TMC2: variants seen among roughly 807,000 people sequenced by gnomAD.
The protein encoded by TMC2 is transmembrane channel like 2.
Under a neutral mutation model 105.9 loss-of-function variants are expected in TMC2, and 102 were observed. The ratio of observed to expected loss-of-function variants is 0.96; its 90% CI spans 0.82 to 1.14. The LOEUF is 1.14. Among genes scored for constraint, TMC2 ranks in the 50% most tolerant of loss-of-function variants. The pLI is 0.00. For missense variants in TMC2, 1,093 were observed against 1,134.3 expected (o/e 0.96, Z 0.52); for synonymous variants, 402 against 422.8 (o/e 0.95, Z 0.60).
At chr20:2,543,159 C>T (rs2085902582) in intron 2 of TMC2, among the ~76,000 whole-genome samples, 1 of 151,962 alleles carries the variant, frequency 6.6e-6, no homozygotes, top group African/African-American at 2.4e-5. Flanking sequence ...ACTGCTTGAA[C>T]CTGGGAGGTA....
Position 2,558,217 on chromosome 20 carries a change from G to A in TMC2, c.83-239G>A. On this transcript the variant is annotated intron_variant, in intron 2 of 19. Coordinates refer to ENST00000358864, the MANE Select transcript of TMC2 (RefSeq NM_080751.3). This position sits in a 1 kb window ranked among gnomAD's most constrained non-coding sequence, Gnocchi z 4.6. ...GACACCTGTCACAGGAGGTCTTCAA[G>A]GGAGACGGGAGGGAGAAGGCCAGAG... The A allele has an allele frequency of 1.0e-6, 1 of 953,570 alleles. No homozygotes were observed. The highest frequency in any genetic ancestry group is 1.5e-6 in the Non-Finnish European group (1 of 671,852). 59.1% of individuals were successfully genotyped at this position (953,570 alleles called of 1,614,324 possible). A position where few individuals can be genotyped will look rare whatever the true frequency, so the allele number is the denominator to read the frequency against.
chr20:2,561,715 G>A (rs544648904), intron 3 of TMC2, 143 bp from the exon 4 acceptor site: 48 of 1,070,596 alleles, frequency 4.5e-5, no homozygotes, highest in East Asian at 1.2e-4. Flanking sequence ...TTTGGCCTCC[G>A]CTGCCAGGCA....
chr20:2,573,311 G>C (rs574301886), intron 5 of TMC2, among the ~76,000 whole-genome samples: 25 of 151,812 alleles, frequency 1.6e-4, no homozygotes, highest in African/African-American at 5.8e-4. Context: ...TCACATCTAG[G>C]ATACCATACA....
At chr20:2,595,218 C>A (rs1436330185) in intron 9 of TMC2, among the ~76,000 whole-genome samples, 1 of 152,184 alleles carries the variant, frequency 6.6e-6, no homozygotes. Context: ...TTCTGGGGAG[C>A]AGCATTTTAG....
chr20:2,624,474 C>T, intron 17 of TMC2, 78 bp downstream of exon 17: 2 of 1,517,230 alleles, frequency 1.3e-6, no homozygotes, highest in South Asian at 1.3e-5. Flanking sequence ...AGGTCCTTTT[C>T]ATCTTGCCTT....
chr20:2,549,559 A>G (rs748931220), intron 2 of TMC2, among the ~76,000 whole-genome samples: 50 of 152,248 alleles, frequency 3.3e-4, no homozygotes, highest in Middle Eastern at 6.8e-3. Context: ...CCTGGCCAAC[A>G]CGGTGAAACC....
chr20:2,573,432 G>A (rs556301397), intron 5 of TMC2, among the ~76,000 whole-genome samples: 4 of 151,742 alleles, frequency 2.6e-5, no homozygotes, highest in South Asian at 4.1e-4. Context: ...TTGCAAATGC[G>A]ATCATTTTTC....
At position 2,543,904 on chromosome 20, in the gene TMC2, T is replaced by A. The variant is rs59918854; in HGVS notation, c.82+6588T>A. 4.1e-3 allele frequency among the ~76,000 whole-genome samples: 111 copies of A among 27,192 alleles called. 3 individuals are homozygous for A. The highest frequency in any genetic ancestry group is 7.1e-3 in the African/African-American group (47 of 6,626). The allele number at this position is 27,192 out of a possible 152,430, so 17.8% of individuals were successfully genotyped here. A position where few individuals can be genotyped will look rare whatever the true frequency, so the allele number is the denominator to read the frequency against. On this transcript the variant is annotated intron_variant, in intron 2 of 19. Coordinates refer to ENST00000358864, the MANE Select transcript of TMC2 (RefSeq NM_080751.3). ...GCAGCTGTTTCAACCTGCATGTCAGTTTTTTTTTTTTTTTTTGAGACAGAG... is the reference window on the plus strand; with the variant it reads ...GCAGCTGTTTCAACCTGCATGTCAGATTTTTTTTTTTTTTTTGAGACAGAG...
rs371635125 is a variant in TMC2, at chr20:2,570,747, CTA to C, written c.555-1429_555-1428del. The stretch of plus-strand genomic sequence containing the variant: ...AGGCATCACATTACTCAACTTCAAA[CTA>C]TACTATGAGGCTACAGTAACGAAAA... On this transcript the variant is annotated intron_variant, in intron 4 of 19. Transcript: ENST00000358864. Among the ~76,000 whole-genome samples, 834 of 152,280 alleles carry C rather than the reference CTA, an allele frequency of 5.5e-3. 10 individuals carry two copies. The highest frequency in any genetic ancestry group is 0.019 in the African/African-American group (787 of 41,562).
chr20:2,568,274 T>C (rs1600104692), intron 4 of TMC2, among the ~76,000 whole-genome samples: 1 of 152,186 alleles, frequency 6.6e-6, no homozygotes, highest in Non-Finnish European at 1.5e-5. Flanking sequence ...ACAATTATAA[T>C]GACAAGAAAC....
At chr20:2,604,736 T>C (rs977593371) in intron 11 of TMC2, among the ~76,000 whole-genome samples, 2 of 152,114 alleles carry the variant, frequency 1.3e-5, no homozygotes, top group African/African-American at 2.4e-5. Context: ...TGAGGTTGAG[T>C]TGATCACTAA....
At chr20:2,619,070 G>A (rs2086505845) in intron 16 of TMC2, among the ~76,000 whole-genome samples, 2 of 152,188 alleles carry the variant, frequency 1.3e-5, no homozygotes, top group African/African-American at 4.8e-5. Flanking sequence ...CTGCCAATGA[G>A]GAGAAACCCT....
Position 2,597,218 on chromosome 20 carries a change from A to C in TMC2, c.1144A>C (p.Met382Leu). 1 of 1,614,118 alleles carries C rather than the reference A, an allele frequency of 6.2e-7. No individual in the cohort carries two copies. The highest frequency in any genetic ancestry group is 2.2e-5 in the East Asian group (1 of 44,874). The change falls in exon 10 of 20, where the codon ATG (methionine) becomes CTG (leucine). Residue 382 changes from methionine to leucine, a missense_variant. By Grantham distance (15) the Met-to-Leu change is conservative. Transcript: ENST00000358864. ...ESDNFTFSFKMFTSWDYLIGN... is the reference protein window; with the variant it reads ...ESDNFTFSFKLFTSWDYLIGN... Reference sequence around the variant, plus strand: ...TGACAACTTCACATTCAGCTTCAAGATGTTCACCAGCTGGGACTACCTGAT... The same window carrying C: ...TGACAACTTCACATTCAGCTTCAAGCTGTTCACCAGCTGGGACTACCTGAT...
rs919366145 is a variant in TMC2, at chr20:2,594,045, C to T, written c.934-780C>T. The stretch of plus-strand genomic sequence containing the variant: ...TCCCTCCTTTGTGAGCTTCATACTC[C>T]CATGCCTCTGGAGGCTTACTCTGCA... On this transcript the variant is annotated intron_variant, in intron 8 of 19. Transcript: ENST00000358864. Among the ~76,000 whole-genome samples, 3 of 152,174 alleles carry T rather than the reference C, an allele frequency of 2.0e-5. No individual in the cohort carries two copies. The South Asian group carries it at 6.2e-4, about 32-fold the overall frequency.
chr20:2,567,420 A>C (rs1049916000), intron 4 of TMC2, among the ~76,000 whole-genome samples: 7 of 152,230 alleles, frequency 4.6e-5, no homozygotes, highest in Non-Finnish European at 8.8e-5. Context: ...AATATCCAAA[A>C]GTCCAGGTTT....
intron 17 of TMC2, 144 bp downstream of exon 17, chr20:2,624,540 T>C: frequency 9.8e-7 from 1 of 1,018,736 alleles, no homozygotes; most frequent in Non-Finnish European, 1.4e-6. Flanking sequence ...GTGTAAGTAT[T>C]TTATTAGGGA....
intron 19 of TMC2, among the ~76,000 whole-genome samples, chr20:2,640,784 C>T (rs6050794): frequency 1.0e-3 from 157 of 152,284 alleles, no homozygotes; most frequent in African/African-American, 3.4e-3. Flanking sequence ...CCAAACAATT[C>T]CCACAGCCCC....
At chr20:2,553,686 T>C (rs564590917) in intron 2 of TMC2, among the ~76,000 whole-genome samples, 8 of 152,332 alleles carry the variant, frequency 5.3e-5, no homozygotes, top group African/African-American at 1.9e-4. Flanking sequence ...AGTGAAATCA[T>C]CCAGGCCTGG....
At chr20:2,634,020 T>TA (rs2086623902) in intron 17 of TMC2, among the ~76,000 whole-genome samples, 1 of 152,258 alleles carries the variant, frequency 6.6e-6, no homozygotes, top group Non-Finnish European at 1.5e-5. Flanking sequence ...AAGACTTTGT[T>TA]AAAACCTTCC....
Sources: gnomAD v4.1 joint callset for allele counts (sites outside exome capture counted in the v4.1 genomes callset) on GRCh38, gnomAD v4.1.1 for gene constraint, Gnocchi (gnomAD v3.1) non-coding constraint, MANE v1.5 for transcripts, NCBI Gene and HGNC (gene_info 2026-07-23, HGNC 2026-07-21) for gene names.